The following MID1 variants were observed in gnomAD, a reference collection of about 807,000 sequenced individuals.
The protein encoded by MID1 is midline 1.
Under a neutral mutation model 40.4 loss-of-function variants are expected in MID1, and 7 were observed. The ratio of observed to expected loss-of-function variants is 0.17; its 90% CI spans 0.10 to 0.33. MID1 has a LOEUF of 0.33. MID1 is among the 10% of genes least tolerant of loss of function. The probability of loss-of-function intolerance (pLI) is 1.00; values close to 1 mark genes in which losing one functional copy is unlikely to be tolerated. For missense variants in MID1, 367 were observed against 558.5 expected, an observed-to-expected ratio of 0.66 and a Z score of 3.46; for synonymous variants, 229 against 221.2, an observed-to-expected ratio of 1.04 and a Z score of -0.31.
intron 1 of MID1, among the ~76,000 whole-genome samples, chrX:10,654,957 C>T (rs1470995878): frequency 8.9e-6 from 1 of 112,456 alleles, no homozygotes; most frequent in Non-Finnish European, 1.9e-5. Flanking sequence ...TGACAAAAAA[C>T]TCTGCCTTTG....
At chrX:10,606,344 G>A (rs1021944743) in intron 1 of MID1, among the ~76,000 whole-genome samples, 13 of 110,578 alleles carry the variant, frequency 1.2e-4, no homozygotes, top group African/African-American at 3.0e-4. Context: ...TCAAGTAGGG[G>A]TAAATTTATA....
chrX:10,536,816 C>T (rs1933275458), intron 2 of MID1, among the ~76,000 whole-genome samples: 1 of 112,401 alleles, frequency 8.9e-6, no homozygotes, highest in Admixed American at 9.4e-5. Flanking sequence ...CTTCTCTCCC[C>T]ACTTTCCCTT....
chrX:10,821,288 C>T (rs760290708), intron 1 of MID1, among the ~76,000 whole-genome samples: 1 of 112,016 alleles, frequency 8.9e-6, no homozygotes, highest in East Asian at 2.8e-4. Flanking sequence ...GTAGGGAGAG[C>T]CAACCTTTTC....
At chrX:10,816,644 G>T (rs1004431518) in intron 1 of MID1, among the ~76,000 whole-genome samples, 5 of 111,986 alleles carry the variant, frequency 4.5e-5, no homozygotes, top group Non-Finnish European at 9.4e-5. Flanking sequence ...AAAAGTTGTT[G>T]GATGCACAAC....
chrX:10,660,967 T>C (rs2042907581), intron 1 of MID1, among the ~76,000 whole-genome samples: 1 of 111,807 alleles, frequency 8.9e-6, no homozygotes, highest in South Asian at 3.8e-4. Flanking sequence ...TATTTTTAGA[T>C]ACAAATGTAA....
At chrX:10,656,889 T>C (rs1301592373) in intron 1 of MID1, among the ~76,000 whole-genome samples, 1 of 111,374 alleles carries the variant, frequency 9.0e-6, no homozygotes, top group African/African-American at 3.3e-5. Flanking sequence ...AAATTGATTC[T>C]CAATATCAAC....
intron 1 of MID1, among the ~76,000 whole-genome samples, chrX:10,717,997 A>G (rs759289803): frequency 2.5e-4 from 28 of 112,234 alleles, no homozygotes; most frequent in African/African-American, 8.1e-4. Flanking sequence ...TTTGGAAAAA[A>G]TGAGAACAAA....
chrX:10,666,958 G>A (rs191352456), intron 1 of MID1, among the ~76,000 whole-genome samples: 9 of 111,723 alleles, frequency 8.1e-5, no homozygotes, highest in Non-Finnish European at 3.8e-5. Context: ...CCTGATCATG[G>A]ACAGGAATAA....
intron 1 of MID1, among the ~76,000 whole-genome samples, chrX:10,703,085 C>T (rs2043202587): frequency 8.9e-6 from 1 of 111,750 alleles, no homozygotes; most frequent in Non-Finnish European, 1.9e-5. Context: ...TTATGGCAGT[C>T]CAAGATGACT....
At chrX:10,828,214 C>T (rs1050503734) in intron 1 of MID1, among the ~76,000 whole-genome samples, 2 of 112,041 alleles carry the variant, frequency 1.8e-5, no homozygotes, top group Non-Finnish European at 3.8e-5. Context: ...ATTACACAAA[C>T]ACCATATGGC....
intron 1 of MID1, among the ~76,000 whole-genome samples, chrX:10,626,724 A>T (rs918367155): frequency 2.1e-4 from 24 of 111,684 alleles, no homozygotes; most frequent in Non-Finnish European, 1.3e-4. Flanking sequence ...TGGATTTCTG[A>T]TGACATCCTG....
At chrX:10,813,330 A>G (rs1489388691) in intron 1 of MID1, among the ~76,000 whole-genome samples, 2 of 111,317 alleles carry the variant, frequency 1.8e-5, no homozygotes, top group Non-Finnish European at 3.8e-5. Context: ...TGGAACTTGC[A>G]TTTGCTGGGT....
At chrX:10,726,557 T>G (rs2043392323) in intron 1 of MID1, among the ~76,000 whole-genome samples, 1 of 110,434 alleles carries the variant, frequency 9.1e-6, no homozygotes, top group African/African-American at 3.3e-5. Context: ...TTATAGCCAG[T>G]CCTGGTTGAA....
rs139337894 is a variant in MID1, at chrX:10,560,908, C to T, written c.660+5980G>A. On this transcript the variant is annotated intron_variant, in intron 2 of 9. Coordinates refer to ENST00000317552, the MANE Select transcript of MID1 (RefSeq NM_000381.4). The stretch of plus-strand genomic sequence containing the variant: ...TGGAACCAAAAAAGAGCCCATATAG[C>T]CAAGACAATCCTAAGCAAATCGAAC... 1.7e-3 allele frequency among the ~76,000 whole-genome samples: 187 copies of T among 106,860 alleles called. 33 individuals carry two copies. The highest frequency in any genetic ancestry group is 6.8e-3 in the African/African-American group (181 of 26,703). 92.8% of individuals were successfully genotyped at this position (106,860 alleles called of 115,157 possible).
chrX:10,547,536 C>T (rs1462618816), intron 2 of MID1, among the ~76,000 whole-genome samples: 1 of 83,911 alleles, frequency 1.2e-5, no homozygotes, highest in Admixed American at 1.6e-4. Flanking sequence ...CACATCATTG[C>T]ACTCCAGCCT....
intron 1 of MID1, among the ~76,000 whole-genome samples, chrX:10,741,893 CT>C (rs1203869221): frequency 9.0e-6 from 1 of 111,544 alleles, no homozygotes. Context: ...CTAAAACTAG[CT>C]GTACTTAAAG....
intron 1 of MID1, among the ~76,000 whole-genome samples, chrX:10,637,840 G>A (rs890752501): frequency 2.7e-5 from 3 of 111,393 alleles, no homozygotes; most frequent in African/African-American, 9.8e-5. Flanking sequence ...TTCTTAGTCT[G>A]GACAAATGTG....
intron 2 of MID1, among the ~76,000 whole-genome samples, chrX:10,541,212 C>CT (rs1933456107): frequency 8.9e-6 from 1 of 112,273 alleles, no homozygotes; most frequent in Non-Finnish European, 1.9e-5. Flanking sequence ...ACTCTCAGGG[C>CT]TACCTCTACT....
intron 1 of MID1, among the ~76,000 whole-genome samples, chrX:10,715,887 C>T (rs1456533409): frequency 9.0e-6 from 1 of 111,478 alleles, no homozygotes; most frequent in Admixed American, 9.5e-5. Flanking sequence ...TGCTGTTCAC[C>T]AATATCCACT....
Sources: gnomAD v4.1 joint callset for allele counts (sites outside exome capture counted in the v4.1 genomes callset) on GRCh38, gnomAD v4.1.1 for gene constraint, MANE v1.5 for transcripts, NCBI Gene and HGNC (gene_info 2026-07-23, HGNC 2026-07-21) for gene names.